TAS2R1: variants seen among roughly 807,000 people sequenced by gnomAD.
TAS2R1 encodes taste 2 receptor member 1.
For missense variants in TAS2R1, 370 were observed against 353.4 expected, an observed-to-expected ratio of 1.05 and a Z score of -0.38; for synonymous variants, 141 against 134.2, an observed-to-expected ratio of 1.05 and a Z score of -0.35.
the TAS2R1 span, among the ~76,000 whole-genome samples, chr5:9,832,887 G>T: frequency 6.6e-6 from 1 of 152,194 alleles, no homozygotes; most frequent in South Asian, 2.1e-4. Context: ...GCCTCAGGAG[G>T]TCCTGATGAC....
chr5:9,649,142 T>C (rs771491464), intron 2 of TAS2R1, among the ~76,000 whole-genome samples: 2 of 152,152 alleles, frequency 1.3e-5, no homozygotes, highest in Non-Finnish European at 2.9e-5. Context: ...AGAATTATGA[T>C]ACACCCAGAT....
chr5:9,717,165 C>G (rs73037671), upstream of TAS2R1, among the ~76,000 whole-genome samples: 1,931 of 152,234 alleles, frequency 0.013, 43 homozygotes, highest in African/African-American at 0.044. Context: ...TGCAAAACAA[C>G]CCAATACCAG....
the TAS2R1 span, among the ~76,000 whole-genome samples, chr5:9,872,577 T>C: frequency 1.3e-5 from 2 of 152,234 alleles, no homozygotes; most frequent in African/African-American, 4.8e-5. Context: ...TACTTTCCAC[T>C]GCCCTTACAA....
At chr5:9,705,865 C>A (rs186705270) in intron 1 of TAS2R1, among the ~76,000 whole-genome samples, 6 of 151,790 alleles carry the variant, frequency 4.0e-5, no homozygotes, top group Admixed American at 1.3e-4. Context: ...TCCATCCCCC[C>A]CCAAAAAAAG....
chr5:9,735,143 A>C, the TAS2R1 span, among the ~76,000 whole-genome samples: 1 of 151,282 alleles, frequency 6.6e-6, no homozygotes, highest in Non-Finnish European at 1.5e-5. Flanking sequence ...AGATCTCCTA[A>C]GAATTCACTC....
At chr5:9,767,259 A>ATT in the TAS2R1 span, among the ~76,000 whole-genome samples, 1 of 151,424 alleles carries the variant, frequency 6.6e-6, no homozygotes, top group Non-Finnish European at 1.5e-5. Context: ...TGCATCCTTC[A>ATT]TTTCTCTCTC....
chr5:9,829,815 A>G, the TAS2R1 span, among the ~76,000 whole-genome samples: 2 of 152,138 alleles, frequency 1.3e-5, no homozygotes, highest in Non-Finnish European at 2.9e-5. Context: ...AGGGTAAGCT[A>G]AAACCACAGG....
chr5:9,711,741 C>T (rs1203294527), intron 1 of TAS2R1, among the ~76,000 whole-genome samples: 1 of 152,158 alleles, frequency 6.6e-6, no homozygotes, highest in East Asian at 1.9e-4. Context: ...AATCTCGCTG[C>T]AAACTCTACC....
At chr5:9,892,703 C>A in the TAS2R1 span, among the ~76,000 whole-genome samples, 2 of 152,140 alleles carry the variant, frequency 1.3e-5, no homozygotes, top group Non-Finnish European at 2.9e-5. Flanking sequence ...GAACTGTCTG[C>A]GGAAAAGCGC....
chr5:9,847,738 T>C, the TAS2R1 span, among the ~76,000 whole-genome samples: 1 of 152,162 alleles, frequency 6.6e-6, no homozygotes, highest in South Asian at 2.1e-4. Flanking sequence ...TTGTTTCGCC[T>C]CCTAGAAGGT....
chr5:9,771,606 G>A, the TAS2R1 span, among the ~76,000 whole-genome samples: 4 of 152,116 alleles, frequency 2.6e-5, no homozygotes, highest in African/African-American at 9.6e-5. Flanking sequence ...TTATTTAAAT[G>A]TTTGTTAATA....
chr5:9,658,677 CA>C (rs1403424906), intron 2 of TAS2R1: 1 of 152,122 alleles, frequency 6.6e-6, no homozygotes, highest in East Asian at 1.9e-4. Flanking sequence ...TAATTTACCC[CA>C]AATGACTTGC....
At chr5:9,797,084 C>T in the TAS2R1 span, among the ~76,000 whole-genome samples, 1 of 152,166 alleles carries the variant, frequency 6.6e-6, no homozygotes, top group African/African-American at 2.4e-5. Flanking sequence ...TGATTGGGCT[C>T]ACCAATCCTC....
the TAS2R1 span, among the ~76,000 whole-genome samples, chr5:9,840,849 ATTTATTTATTTTTTTTTTTTT>A: frequency 1.5e-4 from 2 of 12,910 alleles, no homozygotes; most frequent in African/African-American, 6.7e-4. Flanking sequence ...TTATTTATTT[ATTTATTTATTTTTTTTTTTTT>A]TTTTTTTTTT....
intron 1 of TAS2R1, among the ~76,000 whole-genome samples, chr5:9,671,085 T>A (rs116024422): frequency 0.046 from 6,937 of 152,226 alleles, 202 homozygotes; most frequent in Middle Eastern, 0.085. Flanking sequence ...TTGATAAAAT[T>A]CAGCATCACT....
At chr5:9,748,704 G>A in the TAS2R1 span, among the ~76,000 whole-genome samples, 110 of 152,270 alleles carry the variant, frequency 7.2e-4, no homozygotes, top group Middle Eastern at 0.02. Flanking sequence ...CAGAGGAAGG[G>A]CATTAATCTA....
At chr5:9,726,990 G>A in the TAS2R1 span, among the ~76,000 whole-genome samples, 2 of 152,166 alleles carry the variant, frequency 1.3e-5, no homozygotes, top group African/African-American at 2.4e-5. Context: ...AAAACGGAAT[G>A]TGTACATGGT....
intron 1 of TAS2R1, among the ~76,000 whole-genome samples, chr5:9,678,348 T>A (rs1740920131): frequency 6.6e-6 from 1 of 152,144 alleles, no homozygotes; most frequent in Non-Finnish European, 1.5e-5. Flanking sequence ...GTAAATTAGT[T>A]CAACAGTTGT....
upstream of TAS2R1, chr5:9,630,397 C>G (rs556640981): frequency 5.6e-6 from 1 of 178,256 alleles, no homozygotes; most frequent in South Asian, 1.8e-4. Flanking sequence ...TTCTTCATCT[C>G]TACTATGAAT....
Sources: gnomAD v4.1 joint callset for allele counts (sites outside exome capture counted in the v4.1 genomes callset) on GRCh38, gnomAD v4.1.1 for gene constraint, MANE v1.5 for transcripts, NCBI Gene and HGNC (gene_info 2026-07-23, HGNC 2026-07-21) for gene names.